AASS: variants seen among roughly 807,000 people sequenced by gnomAD.
AASS encodes the protein aminoadipate-semialdehyde synthase.
A neutral mutation model predicts 105.4 loss-of-function variants in AASS; 86 were observed. That is an observed-to-expected ratio of 0.82 (90% CI 0.69 to 0.98). The LOEUF (loss-of-function observed/expected upper bound fraction) is 0.98, where lower values mean the gene tolerates loss of function less well. AASS is among the 50% of genes least tolerant of loss of function. The pLI is 0.00. For missense variants in AASS, 1,048 were observed against 1,143.2 expected (o/e 0.92, Z 1.20); for synonymous variants, 381 against 394.8 (o/e 0.96, Z 0.41).
chr7:122,084,051 T>G (rs1793505237), intron 19 of AASS, among the ~76,000 whole-genome samples: 1 of 152,152 alleles, frequency 6.6e-6, no homozygotes, highest in Non-Finnish European at 1.5e-5. Flanking sequence ...TCTATATGTT[T>G]GTCAAAAGAC....
At chr7:122,090,902 T>C (rs1020316698) in intron 18 of AASS, among the ~76,000 whole-genome samples, 67 of 152,192 alleles carry the variant, frequency 4.4e-4, no homozygotes, top group Middle Eastern at 3.4e-3. Context: ...GCCAAGCACA[T>C]CCTCTTCTCC....
chr7:122,078,769 C>A, intron 22 of AASS, 93 bp downstream of exon 22: 3 of 1,194,482 alleles, frequency 2.5e-6, no homozygotes, highest in Non-Finnish European at 3.7e-6. Context: ...CCCATTCCTG[C>A]TGCTTGGGGC....
chr7:122,135,127 G>A (rs1796084184), intron 1 of AASS, among the ~76,000 whole-genome samples: 1 of 152,000 alleles, frequency 6.6e-6, no homozygotes, highest in South Asian at 2.1e-4. Context: ...CCTGTCATGG[G>A]GTGCGGGGAG....
At position 122,098,054 on chromosome 7, in the gene AASS, A is replaced by T. The variant is rs190456325; in HGVS notation, c.1655+396T>A. Among the ~76,000 whole-genome samples the T allele has an allele frequency of 7.9e-5, 12 of 152,142 alleles. No homozygotes were observed. In the East Asian group the frequency reaches 2.3e-3, roughly 29 times the overall value. On this transcript the variant is annotated intron_variant, in intron 15 of 23. Coordinates refer to ENST00000417368, the MANE Select transcript of AASS (RefSeq NM_005763.4). ...GACAATAGCACAAATGACTCTTGTAATCACAACATTGAATGGAAGAAGGAA... is the reference window on the plus strand; with the variant it reads ...GACAATAGCACAAATGACTCTTGTATTCACAACATTGAATGGAAGAAGGAA...
chr7:122,130,499 C>G (rs1013216262), intron 2 of AASS, among the ~76,000 whole-genome samples: 1 of 151,918 alleles, frequency 6.6e-6, no homozygotes, highest in South Asian at 2.1e-4. Context: ...CATGAATTAT[C>G]TCATTTAAAT....
At chr7:122,120,183 G>C (rs143267948) in intron 4 of AASS, among the ~76,000 whole-genome samples, 64 of 152,210 alleles carry the variant, frequency 4.2e-4, no homozygotes, top group African/African-American at 1.4e-3. Flanking sequence ...TATAAATGGA[G>C]TTGCTATAAA....
intron 4 of AASS, among the ~76,000 whole-genome samples, chr7:122,124,171 C>T (rs1795552475): frequency 6.6e-6 from 1 of 152,188 alleles, no homozygotes; most frequent in African/African-American, 2.4e-5. Context: ...CTCCTACTTC[C>T]CTGAATCATT....
chr7:122,139,745 G>C (rs192377950), intron 1 of AASS, among the ~76,000 whole-genome samples: 8 of 152,096 alleles, frequency 5.3e-5, no homozygotes, highest in Admixed American at 5.2e-4. Context: ...ATCACCTGAG[G>C]AGTTCGAGAC....
chr7:122,143,624 G>A (rs1796501892), intron 1 of AASS, among the ~76,000 whole-genome samples: 1 of 151,808 alleles, frequency 6.6e-6, no homozygotes, highest in Admixed American at 6.6e-5. Context: ...GGCAGCCCAA[G>A]ATGGACAAGG....
chr7:122,113,463 C>A (rs1795025684), intron 10 of AASS, 135 bp downstream of exon 10: 2 of 1,198,964 alleles, frequency 1.7e-6, no homozygotes, highest in African/African-American at 3.1e-5. Flanking sequence ...GTTTTTTTCC[C>A]CAAATTTTAG....
In AASS at chr7:122,115,952, T is replaced by C. The variant is rs530573785; in HGVS notation, c.894+681A>G. On this transcript the variant is annotated intron_variant, in intron 8 of 23. Coordinates refer to ENST00000417368, the MANE Select transcript of AASS (RefSeq NM_005763.4). ...TTCATACCAGAATCTGAAAATGTTATGTTGGTCAAACATATTTAAAATTAT... is the reference window on the plus strand; with the variant it reads ...TTCATACCAGAATCTGAAAATGTTACGTTGGTCAAACATATTTAAAATTAT... Among the ~76,000 whole-genome samples the C allele has an allele frequency of 3.3e-5, 5 of 152,330 alleles. No homozygotes were observed. The South Asian group carries it at 6.2e-4, about 19-fold the overall frequency.
chr7:122,132,799 T>C lies in AASS; in HGVS notation c.210+718A>G, dbSNP rs558771478. Among the ~76,000 whole-genome samples, 3 of 152,278 alleles carry C rather than the reference T, an allele frequency of 2.0e-5. No individual in the cohort carries two copies. In the South Asian group the frequency reaches 6.2e-4, roughly 32 times the overall value. ...TAAGTCTTGGGGTCTAGAGTCCATG[T>C]CAATGTCAATATCATTGAAACAAAA... is the stretch of plus-strand genomic sequence containing the variant. On this transcript the variant is annotated intron_variant, in intron 2 of 23. Transcript: ENST00000417368.
At chr7:122,113,811 G>A (rs1795043944) in intron 9 of AASS, 91 bp from the exon 10 acceptor site, 1 of 1,435,652 alleles carries the variant, frequency 7.0e-7, no homozygotes, top group Non-Finnish European at 9.6e-7. Context: ...AATTTTCAAT[G>A]TGGATCCCAA....
chr7:122,117,843 G>A (rs1227359024), intron 6 of AASS, among the ~76,000 whole-genome samples: 2 of 151,720 alleles, frequency 1.3e-5, no homozygotes, highest in African/African-American at 4.8e-5. Flanking sequence ...TTTGGTATAG[G>A]TGGTGTTTTA....
Position 122,085,899 on chromosome 7 carries a change from A to G in AASS, c.2184+113T>C, listed in dbSNP as rs1268640982. 3 of 1,154,952 alleles carry G rather than the reference A, an allele frequency of 2.6e-6. No homozygotes were observed. In the African/African-American group the frequency reaches 4.6e-5, roughly 18 times the overall value. The allele number at this position is 1,154,952 out of a possible 1,614,324, so 71.5% of individuals were successfully genotyped here. A position where few individuals can be genotyped will look rare whatever the true frequency, so the allele number is the denominator to read the frequency against. ...TCAATCATAAGATTCCTGAAAAAAT[A>G]GACTCCAACTTGGTTTATCATCTTA... On this transcript the variant is annotated intron_variant, in intron 19 of 23. Transcript: ENST00000417368.
At position 122,082,687 on chromosome 7, in the gene AASS, T is replaced by G; in HGVS notation, c.2185-1092A>C. On this transcript the variant is annotated intron_variant, in intron 19 of 23. Coordinates refer to ENST00000417368, the MANE Select transcript of AASS (RefSeq NM_005763.4). Reference sequence around the variant, plus strand: ...ATGCCTAGTCCATGGTGAACAAAAATGCGTCACCACTGACGACTAAACTGT... The same window carrying G: ...ATGCCTAGTCCATGGTGAACAAAAAGGCGTCACCACTGACGACTAAACTGT... 5 of 537,522 alleles carry G rather than the reference T, an allele frequency of 9.3e-6. No homozygotes were observed. In the South Asian group the frequency reaches 9.5e-5, roughly 10 times the overall value. The allele number at this position is 537,522 out of a possible 1,614,324, so 33.3% of individuals were successfully genotyped here.
At position 122,075,336 on chromosome 7, in the gene AASS, G is replaced by GCACTT. The variant is rs554384016; in HGVS notation, c.*1152_*1153insAAGTG. ...TTTGGATTTTCTATAGTTTTCCCTT[G>GCACTT]GATTACTATGCACAAAACCACCATA... On this transcript the variant is annotated 3_prime_UTR_variant, in exon 24 of 24. Coordinates refer to ENST00000417368, the MANE Select transcript of AASS (RefSeq NM_005763.4). 2.0e-4 allele frequency among the ~76,000 whole-genome samples: 31 copies of GCACTT among 151,988 alleles called. No homozygotes were observed. In the South Asian group the frequency reaches 6.5e-3, roughly 32 times the overall value.
intron 9 of AASS, among the ~76,000 whole-genome samples, chr7:122,114,404 T>A (rs1355469046): frequency 6.6e-6 from 1 of 152,234 alleles, no homozygotes; most frequent in Non-Finnish European, 1.5e-5. Flanking sequence ...ATTTACTTGA[T>A]GCCAGTTACA....
intron 6 of AASS, 131 bp from the exon 7 acceptor site, chr7:122,117,088 C>T (rs925781956): frequency 5.0e-6 from 4 of 793,336 alleles, no homozygotes; most frequent in Non-Finnish European, 8.5e-6. Context: ...AGGACTGCAA[C>T]ACAGAAATAC....
Sources: allele counts gnomAD v4.1 joint callset (sites outside exome capture counted in the v4.1 genomes callset), GRCh38; gene constraint gnomAD v4.1.1; transcripts MANE v1.5; gene names NCBI Gene and HGNC (gene_info 2026-07-23, HGNC 2026-07-21).